The following KLF12 variants were observed in gnomAD, a reference collection of about 807,000 sequenced individuals.
KLF12 encodes Krueppel-like factor 12.
KLF12 carries 9 observed loss-of-function variants against 37.8 expected under a neutral mutation model. The ratio of observed to expected loss-of-function variants is 0.24; its 90% CI spans 0.14 to 0.42. The LOEUF is 0.42. Among genes scored for constraint, KLF12 ranks in the 10% least tolerant of loss-of-function variants. The probability of loss-of-function intolerance (pLI) is 1.00; values close to 1 mark genes in which losing one functional copy is unlikely to be tolerated. For synonymous variants in KLF12, 208 were observed against 202.1 expected (o/e 1.03, Z -0.25); for missense variants, 411 against 516.0 (o/e 0.80, Z 1.97).
chr13:74,137,558 A>G (rs953941451), upstream of KLF12, among the ~76,000 whole-genome samples: 3 of 152,208 alleles, frequency 2.0e-5, no homozygotes, highest in Non-Finnish European at 2.9e-5. Flanking sequence ...CAGAAAAGAA[A>G]ACCACACCCA....
intron 3 of KLF12, among the ~76,000 whole-genome samples, chr13:73,906,683 C>T (rs1888314871): frequency 6.6e-6 from 1 of 152,130 alleles, no homozygotes; most frequent in Non-Finnish European, 1.5e-5. Flanking sequence ...ATTGCTTTGC[C>T]TAATTCTCAC....
At chr13:73,727,897 A>G (rs1004239977) in intron 6 of KLF12, among the ~76,000 whole-genome samples, 2 of 152,148 alleles carry the variant, frequency 1.3e-5, no homozygotes, top group Non-Finnish European at 2.9e-5. Context: ...AGGTTTCACC[A>G]TGTTGGCCAG....
chr13:73,815,512 T>C (rs1160242086), intron 4 of KLF12, among the ~76,000 whole-genome samples: 1 of 152,170 alleles, frequency 6.6e-6, no homozygotes, highest in Admixed American at 6.5e-5. Flanking sequence ...ATAGCTTCTT[T>C]TGGGGCAATC....
intron 5 of KLF12, among the ~76,000 whole-genome samples, chr13:73,776,221 G>A (rs1439564042): frequency 6.6e-6 from 1 of 152,142 alleles, no homozygotes; most frequent in African/African-American, 2.4e-5. Context: ...AAATCAAAAG[G>A]AATGGTATCC....
rs1873749124 is a variant in KLF12, at chr13:73,690,386, A to G, written c.*5104T>C. The stretch of plus-strand genomic sequence containing the variant: ...AAAGCAGTCTCCCTGGAATAAAACA[A>G]GAATAAACACCTGTATGGTTGTTCA... On this transcript the variant is annotated 3_prime_UTR_variant, in exon 8 of 8. Transcript: ENST00000377669. 1.3e-5 allele frequency: 2 copies of G among 152,430 alleles called. No individual in the cohort carries two copies. The highest frequency in any genetic ancestry group is 4.1e-4 in the South Asian group (2 of 4,830). The allele number at this position is 152,430 out of a possible 1,614,324, so 9.4% of individuals were successfully genotyped here. A position where few individuals can be genotyped will look rare whatever the true frequency, so the allele number is the denominator to read the frequency against.
At chr13:74,011,979 C>A (rs924097920) in intron 1 of KLF12, among the ~76,000 whole-genome samples, 2 of 152,156 alleles carry the variant, frequency 1.3e-5, no homozygotes, top group East Asian at 3.9e-4. Context: ...ACATTTCAAA[C>A]CCTTGTATGA....
the KLF12 span, among the ~76,000 whole-genome samples, chr13:74,266,608 T>C: frequency 2.4e-4 from 36 of 152,210 alleles, no homozygotes; most frequent in Non-Finnish European, 8.8e-5. Context: ...AGTGGCCTCA[T>C]GGAAGGATTC....
chr13:74,113,125 G>C (rs188745261), intron 1 of KLF12, among the ~76,000 whole-genome samples: 1 of 152,172 alleles, frequency 6.6e-6, no homozygotes, highest in Non-Finnish European at 1.5e-5. Flanking sequence ...TGCGTTGGAA[G>C]CCGGAAGAGT....
chr13:74,069,822 T>C (rs1254908206), intron 1 of KLF12, among the ~76,000 whole-genome samples: 2 of 152,172 alleles, frequency 1.3e-5, no homozygotes, highest in African/African-American at 2.4e-5. Flanking sequence ...GACTTAAAAA[T>C]GGTTCCTAGG....
At chr13:74,012,294 G>A (rs117074845) in intron 1 of KLF12, among the ~76,000 whole-genome samples, 1,575 of 152,190 alleles carry the variant, frequency 0.01, 14 homozygotes, top group South Asian at 0.04. Context: ...ACAGTCATTC[G>A]TGCACAGCCA....
intron 4 of KLF12, among the ~76,000 whole-genome samples, chr13:73,813,494 A>G (rs1469603051): frequency 6.6e-6 from 1 of 152,158 alleles, no homozygotes; most frequent in Non-Finnish European, 1.5e-5. Flanking sequence ...AACCTAAACC[A>G]GCTCTCAAGA....
chr13:74,119,763 G>A (rs1484765570), intron 1 of KLF12, among the ~76,000 whole-genome samples: 1 of 152,120 alleles, frequency 6.6e-6, no homozygotes, highest in African/African-American at 2.4e-5. Context: ...GAAAAGAGAA[G>A]AGAAGGGAGG....
the KLF12 span, among the ~76,000 whole-genome samples, chr13:74,267,995 A>C: frequency 7.9e-5 from 12 of 152,202 alleles, no homozygotes; most frequent in Admixed American, 6.5e-4. Flanking sequence ...AGCTGAAAGA[A>C]GCAAGGAAGG....
At chr13:74,225,993 T>G in the KLF12 span, among the ~76,000 whole-genome samples, 1 of 152,166 alleles carries the variant, frequency 6.6e-6, no homozygotes, top group Non-Finnish European at 1.5e-5. Context: ...AAAGGTGTAC[T>G]GTGGGCACAT....
intron 3 of KLF12, among the ~76,000 whole-genome samples, chr13:73,912,679 T>C (rs1047240862): frequency 6.6e-6 from 1 of 152,156 alleles, no homozygotes; most frequent in African/African-American, 2.4e-5. Flanking sequence ...TTCAGAACTG[T>C]GAAAGAATAA....
chr13:74,272,410 A>G, the KLF12 span, among the ~76,000 whole-genome samples: 2 of 152,230 alleles, frequency 1.3e-5, no homozygotes, highest in East Asian at 1.9e-4. Context: ...CTTAAAAATA[A>G]TTGTATAGAT....
At chr13:74,145,955 T>A in the KLF12 span, among the ~76,000 whole-genome samples, 1 of 152,202 alleles carries the variant, frequency 6.6e-6, no homozygotes, top group South Asian at 2.1e-4. Flanking sequence ...GGAAATTTAA[T>A]TCTTTGAAAT....
At chr13:74,153,672 C>A in the KLF12 span, among the ~76,000 whole-genome samples, 14 of 152,156 alleles carry the variant, frequency 9.2e-5, no homozygotes, top group Admixed American at 9.2e-4. Context: ...TAGTTAACAG[C>A]ATTTGGTTTG....
chr13:74,261,400 AT>A, the KLF12 span, among the ~76,000 whole-genome samples: 3 of 152,198 alleles, frequency 2.0e-5, no homozygotes, highest in African/African-American at 4.8e-5. Flanking sequence ...AAATAAAAAA[AT>A]ATTTCAAAAT....
Sources: gnomAD v4.1 joint callset for allele counts (sites outside exome capture counted in the v4.1 genomes callset) on GRCh38, gnomAD v4.1.1 for gene constraint, MANE v1.5 for transcripts, NCBI Gene and HGNC (gene_info 2026-07-23, HGNC 2026-07-21) for gene names.